ALDH8A1: variants seen among roughly 807,000 people sequenced by gnomAD.
The protein encoded by ALDH8A1 is 2-aminomuconic semialdehyde dehydrogenase.
ALDH8A1 carries 39 observed loss-of-function variants against 43.3 expected under a neutral mutation model. The observed-to-expected ratio is 0.90, with a 90% CI of 0.70 to 1.18. ALDH8A1 has a LOEUF of 1.18. Ranked by LOEUF, ALDH8A1 falls within the 50% of genes most tolerant of loss-of-function variation. The pLI, the probability that ALDH8A1 is intolerant of heterozygous loss-of-function variation, is 0.00. For synonymous variants in ALDH8A1, 233 were observed against 243.5 expected, an observed-to-expected ratio of 0.96 and a Z score of 0.40; for missense variants, 605 against 622.6, an observed-to-expected ratio of 0.97 and a Z score of 0.30.
intron 4 of ALDH8A1, among the ~76,000 whole-genome samples, chr6:134,935,572 T>G (rs1378905986): frequency 1.3e-5 from 2 of 152,216 alleles, no homozygotes; most frequent in African/African-American, 4.8e-5. Context: ...AGGGTCTGCC[T>G]GGAGGTAGCA....
chr6:134,939,268 G>A lies in ALDH8A1; in HGVS notation c.590C>T (p.Ala197Val), dbSNP rs1159897994. Residue 197 changes from alanine (A) to valine (V), a missense_variant and splice_region_variant, in exon 4 of 7, where the codon GCA (alanine) becomes GTA (valine). Transcript: ENST00000265605. ...CCCCAACCCCAACACCTAATTACCT[G>A]CTTTATCCAGGAGTTTGCACAACAT... ...AWMLCKLLDK[A>V]GVPPGVVNIV... The A allele has an allele frequency of 1.2e-6, 2 of 1,613,870 alleles. No homozygotes were observed. Among genetic ancestry groups the A allele is most frequent in the Non-Finnish European group, 1.7e-6 (2 of 1,179,894 alleles).
At chr6:134,946,980 T>C (rs575135719) in intron 1 of ALDH8A1, among the ~76,000 whole-genome samples, 4 of 152,358 alleles carry the variant, frequency 2.6e-5, no homozygotes, top group African/African-American at 4.8e-5. Context: ...CTTTAAAATA[T>C]ACTACAAAGC....
At chr6:134,942,212 G>A (rs1350045093) in intron 3 of ALDH8A1, 197 bp downstream of exon 3, 10 of 627,554 alleles carry the variant, frequency 1.6e-5, no homozygotes, top group Admixed American at 3.6e-5. Context: ...AGAGCAAGAC[G>A]CTGTCTAAAA....
chr6:134,949,739 T>C (rs1489936006), intron 1 of ALDH8A1, among the ~76,000 whole-genome samples, 177 bp downstream of exon 1: 1 of 152,186 alleles, frequency 6.6e-6, no homozygotes, highest in Non-Finnish European at 1.5e-5. Context: ...AAGAGATTTG[T>C]TCTAGGTATC....
intron 3 of ALDH8A1, among the ~76,000 whole-genome samples, chr6:134,940,750 T>C (rs1176992497): frequency 6.6e-6 from 1 of 152,240 alleles, no homozygotes; most frequent in Non-Finnish European, 1.5e-5. Flanking sequence ...TATTTTATAC[T>C]CTTCCCTCAA....
In ALDH8A1 at chr6:134,947,844, C is replaced by CA. The variant is rs200182923; in HGVS notation, c.138+2071dup. Among the ~76,000 whole-genome samples the CA allele has an allele frequency of 2.5e-3, 227 of 92,214 alleles. 1 individual carries two copies. The East Asian group carries it at 0.031, about 12-fold the overall frequency. 60.5% of individuals were successfully genotyped at this position (92,214 alleles called of 152,430 possible). On this transcript the variant is annotated intron_variant, in intron 1 of 6. Coordinates refer to ENST00000265605, the MANE Select transcript of ALDH8A1 (RefSeq NM_022568.4). ...TTATGGAAAACGCATGTAGGTTTCT[C>CA]AAAAAAAAAAAAATAAAAATAGAAC...
At chr6:134,937,256 T>G (rs1273384167) in intron 4 of ALDH8A1, among the ~76,000 whole-genome samples, 1 of 152,242 alleles carries the variant, frequency 6.6e-6, no homozygotes, top group Non-Finnish European at 1.5e-5. Flanking sequence ...AGCTAACTCT[T>G]TAAACATCCA....
intron 4 of ALDH8A1, among the ~76,000 whole-genome samples, chr6:134,937,966 G>T (rs1001025154): frequency 3.9e-5 from 6 of 152,164 alleles, no homozygotes; most frequent in African/African-American, 1.4e-4. Flanking sequence ...GCCCAGTGCC[G>T]TTCCCTAAAC....
In ALDH8A1 at chr6:134,949,922, T is replaced by C. The variant is rs1229077290; in HGVS notation, c.132A>G (p.Lys44=). The change falls in exon 1 of 7, where the codon AAA becomes AAG. Residue 44 remains lysine (K), a synonymous_variant. Coordinates refer to ENST00000265605, the MANE Select transcript of ALDH8A1 (RefSeq NM_022568.4). ...TTTAAGTGCATATACTCACCTCGTC[T>C]TTTCCACTATTTGGCACTCTGCAAT... ...EVYCRVPNSG[K]DEIEAAVKAA... The C allele has an allele frequency of 2.5e-6, 4 of 1,593,158 alleles. No individual in the cohort carries two copies. Among genetic ancestry groups the C allele is most frequent in the Non-Finnish European group, 3.4e-6 (4 of 1,169,306 alleles).
At chr6:134,926,300 A>G (rs1002150018) in intron 6 of ALDH8A1, among the ~76,000 whole-genome samples, 1 of 151,006 alleles carries the variant, frequency 6.6e-6, no homozygotes, top group African/African-American at 2.4e-5. Context: ...CCCAGGCTCA[A>G]GCAATTCTCC....
At chr6:134,935,354 A>G (rs1321986873) in intron 4 of ALDH8A1, among the ~76,000 whole-genome samples, 1 of 152,216 alleles carries the variant, frequency 6.6e-6, no homozygotes, top group African/African-American at 2.4e-5. Context: ...AAGAAATTTG[A>G]GGGAAAGTGA....
rs1773811654 is a variant in ALDH8A1 at position 134,939,375 on chromosome 6, C to G, written c.483G>C (p.Leu161=). The part of the protein sequence containing the change: ...ISPWNLPLYL[L]TWKIAPAMAA... ...CCATCGCTGGAGCTATCTTCCAGGT[C>G]AGCAAGTAGAGTGGCAAATTCCAGG... Residue 161 remains leucine, a synonymous_variant, in exon 4 of 7, where the codon CTG becomes CTC. Transcript: ENST00000265605. 7.4e-6 allele frequency: 12 copies of G among 1,614,200 alleles called. No homozygotes were observed. The highest frequency in any genetic ancestry group is 1.0e-5 in the Non-Finnish European group (12 of 1,180,046).
chr6:134,918,423 T>C lies in ALDH8A1; in HGVS notation c.1456A>G (p.Lys486Glu). 6.2e-7 allele frequency: 1 copy of C among 1,614,062 alleles called. No homozygotes were observed. The highest frequency in any genetic ancestry group is 2.2e-5 in the East Asian group (1 of 44,872). ...FFTEIKTITV[K>E]H is the part of the protein sequence containing the mutation. ...TCCACCATTAGCAAAGATCAGTGTT[T>C]AACGGTGATGGTTTTGATCTCAGTG... The change falls in exon 7 of 7, where the codon AAA (lysine) becomes GAA (glutamate). Residue 486 changes from lysine (K) to glutamate (E), a missense_variant. By Grantham distance (56) the Lys-to-Glu change is moderately conservative (BLOSUM62 1). Transcript: ENST00000265605.
intron 4 of ALDH8A1, among the ~76,000 whole-genome samples, chr6:134,934,825 T>C (rs958582373): frequency 6.6e-6 from 1 of 152,136 alleles, no homozygotes; most frequent in Non-Finnish European, 1.5e-5. Context: ...AGAAAACACA[T>C]GCATAAATGC....
chr6:134,946,785 C>CGT (rs1562261606), intron 1 of ALDH8A1, among the ~76,000 whole-genome samples: 22 of 148,834 alleles, frequency 1.5e-4, no homozygotes, highest in South Asian at 6.4e-4. Flanking sequence ...TGTGTGCGCG[C>CGT]GCGCACAGGT....
intron 2 of ALDH8A1, among the ~76,000 whole-genome samples, chr6:134,943,212 T>C (rs1354646393): frequency 6.6e-6 from 1 of 152,240 alleles, no homozygotes; most frequent in African/African-American, 2.4e-5. Flanking sequence ...TTTTAAGGGC[T>C]TGGACTCAGG....
intron 1 of ALDH8A1, among the ~76,000 whole-genome samples, chr6:134,945,129 G>T (rs1256578579): frequency 1.3e-5 from 2 of 151,678 alleles, no homozygotes; most frequent in East Asian, 3.9e-4. Context: ...TTTATATAAG[G>T]GAATATGCTA....
intron 3 of ALDH8A1, among the ~76,000 whole-genome samples, chr6:134,941,825 A>G (rs1773860291): frequency 6.6e-6 from 1 of 151,440 alleles, no homozygotes. Flanking sequence ...GCCCAGCCTG[A>G]TTTTTCCTTT....
Position 134,932,955 on chromosome 6 carries a change from C to T in ALDH8A1, c.670G>A (p.Val224Met), listed in dbSNP as rs951057316. Residue 224 changes from valine to methionine, a missense_variant, in exon 5 of 7, where the codon GTG becomes ATG. Physicochemically the swap from Val to Met is conservative, Grantham distance 21 (BLOSUM62 1). Coordinates refer to ENST00000265605, the MANE Select transcript of ALDH8A1 (RefSeq NM_022568.4). The part of the protein sequence containing the change: ...VGEALVSHPE[V>M]PLISFTGSQP... ...CTCCCGGTGAAGGAGATCAGGGGCA[C>T]CTCTGGGTGGGACACCAGGGCCTCA... 6.2e-7 allele frequency: 1 copy of T among 1,613,748 alleles called. No individual in the cohort carries two copies. Among genetic ancestry groups the T allele is most frequent in the South Asian group, 1.1e-5 (1 of 91,052 alleles).
Sources: allele counts gnomAD v4.1 joint callset (sites outside exome capture counted in the v4.1 genomes callset), GRCh38; gene constraint gnomAD v4.1.1; transcripts MANE v1.5; gene names NCBI Gene and HGNC (gene_info 2026-07-23, HGNC 2026-07-21).